Variants in WWOX observed in about 807,000 individuals in gnomAD.
WWOX encodes WW domain containing oxidoreductase.
Under a neutral mutation model 46.2 loss-of-function variants are expected in WWOX, and 69 were observed. The ratio of observed to expected loss-of-function variants is 1.49; its 90% CI spans 1.23 to 1.82. The LOEUF is 1.82. WWOX is among the 40% of genes most tolerant of loss of function. The probability of loss-of-function intolerance (pLI) is 0.00; values close to 1 mark genes in which losing one functional copy is unlikely to be tolerated. For synonymous variants in WWOX, 359 were observed against 202.6 expected, an observed-to-expected ratio of 1.77 and a Z score of -6.56; for missense variants, 919 against 542.6, an observed-to-expected ratio of 1.69 and a Z score of -6.89.
chr16:78,439,979 G>T (rs2083410137), intron 8 of WWOX, among the ~76,000 whole-genome samples: 1 of 152,132 alleles, frequency 6.6e-6, no homozygotes, highest in African/African-American at 2.4e-5. Flanking sequence ...GTCCTCCTGA[G>T]TTGACTTCCC....
chr16:78,949,356 T>A (rs1020009318), intron 8 of WWOX, among the ~76,000 whole-genome samples: 1 of 152,160 alleles, frequency 6.6e-6, no homozygotes, highest in Non-Finnish European at 1.5e-5. Flanking sequence ...ATAGAAAATC[T>A]GATACACTGT....
intron 8 of WWOX, among the ~76,000 whole-genome samples, chr16:78,579,989 G>A (rs533906323): frequency 3.3e-5 from 5 of 152,100 alleles, no homozygotes; most frequent in Admixed American, 1.3e-4. Flanking sequence ...CGTTTAAGGC[G>A]CTTGCTCTTC....
intron 6 of WWOX, among the ~76,000 whole-genome samples, chr16:78,412,284 G>T (rs997953236): frequency 1.3e-5 from 2 of 152,180 alleles, no homozygotes; most frequent in African/African-American, 4.8e-5. Context: ...TATCAGGACG[G>T]GGAGGAGATG....
intron 7 of WWOX, 121 bp from the exon 8 acceptor site, chr16:78,432,367 A>T (rs1260016708): frequency 7.3e-7 from 1 of 1,366,284 alleles, no homozygotes; most frequent in Non-Finnish European, 1.0e-6. Context: ...AAGACTCCCA[A>T]AGTGCTCGGA....
intron 4 of WWOX, among the ~76,000 whole-genome samples, chr16:78,122,269 C>G (rs1004916462): frequency 6.6e-6 from 1 of 152,104 alleles, no homozygotes; most frequent in East Asian, 1.9e-4. Flanking sequence ...TCAGTGTGAA[C>G]CTGATTAGAT....
chr16:79,085,199 C>G lies in WWOX; in HGVS notation c.1057-126409C>G, dbSNP rs796239560. On this transcript the variant is annotated intron_variant, in intron 8 of 8. Coordinates refer to ENST00000566780, the MANE Select transcript of WWOX (RefSeq NM_016373.4). ...GTACCATTTCTGTCTTTGTCTCTCT[C>G]TCTCTTTCTCTCACTTGACTCTGTT... Among the ~76,000 whole-genome samples the G allele has an allele frequency of 9.8e-5, 15 of 152,324 alleles. No homozygotes were observed. In the East Asian group the frequency reaches 2.9e-3, roughly 29 times the overall value.
At chr16:78,131,665 T>A (rs2033598740) in intron 4 of WWOX, among the ~76,000 whole-genome samples, 1 of 151,772 alleles carries the variant, frequency 6.6e-6, no homozygotes, top group Admixed American at 6.6e-5. Flanking sequence ...CACTGCAACC[T>A]CCACGTCCCA....
At chr16:78,771,143 G>A (rs148857736) in intron 8 of WWOX, among the ~76,000 whole-genome samples, 122 of 152,302 alleles carry the variant, frequency 8.0e-4, no homozygotes, top group African/African-American at 2.5e-3. Context: ...TTTGGCCAGA[G>A]CACGCATTTT....
intron 4 of WWOX, among the ~76,000 whole-genome samples, chr16:78,136,937 T>C (rs937622446): frequency 6.6e-6 from 1 of 152,152 alleles, no homozygotes; most frequent in Non-Finnish European, 1.5e-5. Context: ...TCATGCAGCA[T>C]GTTCAAGACA....
intron 8 of WWOX, among the ~76,000 whole-genome samples, chr16:78,541,369 G>A (rs923113297): frequency 6.8e-6 from 1 of 147,424 alleles, no homozygotes; most frequent in South Asian, 2.2e-4. Context: ...AGCTACTTGG[G>A]AGGCTGAGGC....
chr16:78,582,573 T>C (rs184282340), intron 8 of WWOX, among the ~76,000 whole-genome samples: 2 of 152,338 alleles, frequency 1.3e-5, no homozygotes, highest in Admixed American at 1.3e-4. Context: ...TTTCTAATTA[T>C]ATGTTGATCA....
chr16:78,471,777 A>G (rs1043615800), intron 8 of WWOX, among the ~76,000 whole-genome samples: 2 of 152,192 alleles, frequency 1.3e-5, no homozygotes, highest in Admixed American at 6.5e-5. Context: ...AATCAAAATA[A>G]TAACGATGAT....
At chr16:78,599,121 G>T (rs1205854521) in intron 8 of WWOX, among the ~76,000 whole-genome samples, 1 of 152,162 alleles carries the variant, frequency 6.6e-6, no homozygotes, top group African/African-American at 2.4e-5. Flanking sequence ...GCTGCTCTCA[G>T]CTAAACTCCA....
At chr16:79,063,867 A>C (rs1052384891) in intron 8 of WWOX, among the ~76,000 whole-genome samples, 1 of 152,206 alleles carries the variant, frequency 6.6e-6, no homozygotes, top group Non-Finnish European at 1.5e-5. Flanking sequence ...CTCTTCCTGA[A>C]ATCAATTTTA....
chr16:78,573,953 T>C (rs1031931896), intron 8 of WWOX, among the ~76,000 whole-genome samples: 1 of 152,240 alleles, frequency 6.6e-6, no homozygotes, highest in African/African-American at 2.4e-5. Flanking sequence ...TTTCACAAAG[T>C]TGCAATCATA....
At chr16:79,001,228 G>C (rs1328980750) in intron 8 of WWOX, among the ~76,000 whole-genome samples, 1 of 152,160 alleles carries the variant, frequency 6.6e-6, no homozygotes, top group African/African-American at 2.4e-5. Context: ...GCCGGTTAGA[G>C]ACAGGCTGGC....
chr16:78,614,442 A>G (rs2045973805), intron 8 of WWOX, among the ~76,000 whole-genome samples: 2 of 152,078 alleles, frequency 1.3e-5, no homozygotes, highest in African/African-American at 2.4e-5. Flanking sequence ...TATCTCCTAT[A>G]CTCTGGCTGG....
At chr16:78,144,682 G>A (rs1026234676) in intron 4 of WWOX, among the ~76,000 whole-genome samples, 3 of 149,842 alleles carry the variant, frequency 2.0e-5, no homozygotes, top group Non-Finnish European at 3.0e-5. Context: ...TACCATGCCC[G>A]GCTGATTTTT....
At chr16:78,525,184 CTTTT>C (rs56305807) in intron 8 of WWOX, 17 of 102,162 alleles carry the variant, frequency 1.7e-4, no homozygotes, top group East Asian at 2.7e-4. Context: ...TTTTTCTTTT[CTTTT>C]TTTTTTTTTT....
Sources: gnomAD v4.1 joint callset for allele counts (sites outside exome capture counted in the v4.1 genomes callset) on GRCh38, gnomAD v4.1.1 for gene constraint, MANE v1.5 for transcripts, NCBI Gene and HGNC (gene_info 2026-07-23, HGNC 2026-07-21) for gene names.